Variants in KALRN observed in about 807,000 individuals in gnomAD.
KALRN encodes kalirin RhoGEF kinase, also known as kalirin.
Under a neutral mutation model 353.7 loss-of-function variants are expected in KALRN, and 70 were observed. That is an observed-to-expected ratio of 0.20 (90% confidence interval 0.16 to 0.24). The LOEUF is 0.24. Ranked by LOEUF, KALRN falls within the 10% of genes least tolerant of loss-of-function variation. The probability of loss-of-function intolerance (pLI) is 1.00; values close to 1 mark genes in which losing one functional copy is unlikely to be tolerated. For synonymous variants in KALRN, 1,391 were observed against 1,434.8 expected (o/e 0.97, Z 0.69); for missense variants, 2,791 against 3,756.7 (o/e 0.74, Z 6.72).
chr3:124,417,364 G>A (rs1320065732), intron 14 of KALRN, among the ~76,000 whole-genome samples: 1 of 152,104 alleles, frequency 6.6e-6, no homozygotes. Context: ...TGCCCTCATC[G>A]GCCAGGCCAT....
intron 33 of KALRN, chr3:124,519,931 C>A: frequency 1.0e-6 from 1 of 960,042 alleles, no homozygotes; most frequent in Non-Finnish European, 1.2e-6. Context: ...CCCTTCCCAT[C>A]CCACTTTCCA....
chr3:124,694,390 G>C lies in KALRN; in HGVS notation c.7464G>C (p.Val2488=). 1 of 1,614,230 alleles carries C rather than the reference G, an allele frequency of 6.2e-7. No individual in the cohort carries two copies. The highest frequency in any genetic ancestry group is 8.5e-7 in the Non-Finnish European group (1 of 1,180,024). Residue 2488 remains valine (V), a synonymous_variant, in exon 53 of 60, where the codon GTG becomes GTC. Coordinates refer to ENST00000682506, the MANE Select transcript of KALRN (RefSeq NM_001388419.1). The part of the protein sequence containing the change: ...VDVTCLLGDT[V]ILQCKVCGRP... The stretch of plus-strand genomic sequence containing the variant: ...TGACCTGCTTGCTTGGGGACACAGT[G>C]ATACTGCAGTGCAAAGTCTGTGGGC...
At chr3:124,601,088 G>A (rs67910194) in intron 34 of KALRN, among the ~76,000 whole-genome samples, 23,544 of 152,164 alleles carry the variant, frequency 0.15, 1,953 homozygotes, top group Middle Eastern at 0.19. Flanking sequence ...CCCTCCTGAC[G>A]TTAGAGCTTA....
intron 58 of KALRN, among the ~76,000 whole-genome samples, chr3:124,715,322 A>T (rs562958861): frequency 6.6e-6 from 1 of 152,160 alleles, no homozygotes; most frequent in East Asian, 1.9e-4. Flanking sequence ...GCCTCCCCTT[A>T]GGTGGTCACC....
At chr3:124,410,441 T>C (rs551631878) in intron 13 of KALRN, among the ~76,000 whole-genome samples, 3 of 152,356 alleles carry the variant, frequency 2.0e-5, no homozygotes, top group Admixed American at 2.0e-4. Flanking sequence ...ACATATATTA[T>C]CTGATAAAGA....
rs141821573 is a variant in KALRN at position 124,610,760 on chromosome 3, C to T, written c.5183-21660C>T. ...GCAGGGTGGCTTACAACTGTAAGCCCAGCACTTTGGGAGGCTGAGGCAGGA... is the reference window on the plus strand; with the variant it reads ...GCAGGGTGGCTTACAACTGTAAGCCTAGCACTTTGGGAGGCTGAGGCAGGA... On this transcript the variant is annotated intron_variant, in intron 34 of 59. Coordinates refer to ENST00000682506, the MANE Select transcript of KALRN (RefSeq NM_001388419.1). 9.3e-3 allele frequency among the ~76,000 whole-genome samples: 1,409 copies of T among 152,012 alleles called. 24 individuals carry two copies. Among genetic ancestry groups the T allele is most frequent in the African/African-American group, 0.032 (1,327 of 41,436 alleles).
Position 124,636,827 on chromosome 3 carries a change from C to T in KALRN, c.5569-381C>T, listed in dbSNP as rs775954072. On this transcript the variant is annotated intron_variant, in intron 36 of 59. Coordinates refer to ENST00000682506, the MANE Select transcript of KALRN (RefSeq NM_001388419.1). The stretch of plus-strand genomic sequence containing the variant: ...AATCCTTCACACCCCAAAACAGCAA[C>T]GGGCAGCTGTGTAGTGGCCAAAGTC... 2.8e-4 allele frequency among the ~76,000 whole-genome samples: 42 copies of T among 152,202 alleles called. 2 individuals carry two copies. The highest frequency in any genetic ancestry group is 1.5e-4 in the Non-Finnish European group (10 of 68,026).
intron 58 of KALRN, among the ~76,000 whole-genome samples, chr3:124,715,625 C>G (rs1429687954): frequency 6.6e-6 from 1 of 152,160 alleles, no homozygotes; most frequent in Non-Finnish European, 1.5e-5. Flanking sequence ...AGCCTTTGCT[C>G]CTGTCAGGGA....
At chr3:124,050,635 G>A (rs1409178228) in intron 1 of KALRN, among the ~76,000 whole-genome samples, 3 of 152,108 alleles carry the variant, frequency 2.0e-5, no homozygotes, top group Admixed American at 6.6e-5. Context: ...CCTGGTATCC[G>A]ATCTAGACTG....
intron 1 of KALRN, among the ~76,000 whole-genome samples, chr3:124,225,605 G>A (rs541349106): frequency 6.6e-6 from 1 of 152,304 alleles, no homozygotes; most frequent in East Asian, 1.9e-4. Flanking sequence ...CTCAGGTCCT[G>A]GGCCCTGGTG....
At chr3:124,086,142 A>C (rs1365980815) in intron 1 of KALRN, among the ~76,000 whole-genome samples, 2 of 151,296 alleles carry the variant, frequency 1.3e-5, no homozygotes, top group African/African-American at 4.9e-5. Context: ...TTTTTCTGTT[A>C]TAGAATACAC....
intron 13 of KALRN, among the ~76,000 whole-genome samples, chr3:124,399,197 G>A (rs151113724): frequency 6.6e-6 from 1 of 152,234 alleles, no homozygotes; most frequent in East Asian, 1.9e-4. Context: ...GAAGTGCATT[G>A]GCGCGATCTG....
chr3:124,557,655 A>C (rs755411034), intron 33 of KALRN, among the ~76,000 whole-genome samples: 2 of 152,210 alleles, frequency 1.3e-5, no homozygotes, highest in Non-Finnish European at 2.9e-5. Flanking sequence ...ATGTTAATTC[A>C]TGTGAACTTG....
At chr3:124,525,572 T>G (rs900867226) in intron 33 of KALRN, among the ~76,000 whole-genome samples, 1 of 152,168 alleles carries the variant, frequency 6.6e-6, no homozygotes, top group African/African-American at 2.4e-5. Context: ...GCACTCTGAG[T>G]GTTGCTCTGG....
chr3:124,657,527 A>T lies in KALRN; in HGVS notation c.5942A>T (p.His1981Leu). ...GACAAAATCGTGTTTGGAAATATTC[A>T]TCAGATTTATGACTGGCATAAGGAG... ...GKDKIVFGNI[H>L]QIYDWHKDFF... The change falls in exon 40 of 60, where the codon CAT becomes CTT. Residue 1981 changes from histidine (H) to leucine (L), a missense_variant. Around this residue, in one of 11 missense-constraint regions of KALRN, gnomAD observed 1,065 missense variants for 1,156.4 expected, o/e 0.92. Transcript: ENST00000682506. 2.5e-6 allele frequency: 4 copies of T among 1,613,788 alleles called. No homozygotes were observed. Among genetic ancestry groups the T allele is most frequent in the Non-Finnish European group, 1.7e-6 (2 of 1,179,638 alleles).
rs529810541 is a variant in KALRN, at chr3:124,587,698, C to CTTTTTTTTTTTTTTTTTTTTTT, written c.5182+24613_5182+24634dup. Among the ~76,000 whole-genome samples, 45 of 75,862 alleles carry CTTTTTTTTTTTTTTTTTTTTTT rather than the reference C, an allele frequency of 5.9e-4. 2 individuals are homozygous for CTTTTTTTTTTTTTTTTTTTTTT. The highest frequency in any genetic ancestry group is 9.2e-4 in the South Asian group (2 of 2,184). 49.8% of individuals were successfully genotyped at this position (75,862 alleles called of 152,430 possible). On this transcript the variant is annotated intron_variant, in intron 34 of 59. Transcript: ENST00000682506. ...TTTTTCCCTCCACCCCCACCCTCCA[C>CTTTTTTTTTTTTTTTTTTTTTT]TTTTTTTTTTTTTTTTTTTTTTTTT...
intron 1 of KALRN, chr3:124,094,554 C>T (rs2061312245): frequency 2.0e-6 from 1 of 488,104 alleles, no homozygotes; most frequent in Admixed American, 3.2e-5. Context: ...TGCGAAAACC[C>T]TTCCTGACTC....
chr3:124,130,948 G>A (rs1431298385), intron 1 of KALRN, among the ~76,000 whole-genome samples: 2 of 152,094 alleles, frequency 1.3e-5, no homozygotes, highest in African/African-American at 2.4e-5. Context: ...CAGAATAATA[G>A]CTATTCTTGA....
chr3:124,179,110 T>TA (rs1302411030), intron 1 of KALRN, among the ~76,000 whole-genome samples: 40 of 147,588 alleles, frequency 2.7e-4, no homozygotes, highest in Admixed American at 5.4e-4. Context: ...ACCCTGTCTC[T>TA]AAAAAAAAAA....
Sources: gnomAD v4.1 joint callset for allele counts (sites outside exome capture counted in the v4.1 genomes callset) on GRCh38, gnomAD v4.1.1 for gene constraint, gnomAD v4.1.1 regional missense constraint, MANE v1.5 for transcripts, NCBI Gene and HGNC (gene_info 2026-07-23, HGNC 2026-07-21) for gene names.